MTAP: variants seen among roughly 807,000 people sequenced by gnomAD.
MTAP encodes the protein S-methyl-5'-thioadenosine phosphorylase.
Under a neutral mutation model 33.6 loss-of-function variants are expected in MTAP, and 33 were observed. The observed-to-expected ratio is 0.98, with a 90% confidence interval of 0.74 to 1.31. The LOEUF (loss-of-function observed/expected upper bound fraction) is 1.31. Among genes scored for constraint, MTAP ranks in the 40% most tolerant of loss-of-function variants. The pLI is 0.00. For synonymous variants in MTAP, 148 were observed against 125.7 expected (o/e 1.18, Z -1.19); for missense variants, 367 against 360.0 (o/e 1.02, Z -0.16).
At chr9:21,806,306 G>C (rs555121987) in intron 1 of MTAP, among the ~76,000 whole-genome samples, 2 of 152,166 alleles carry the variant, frequency 1.3e-5, no homozygotes, top group East Asian at 3.9e-4. Context: ...TAAGATGTGG[G>C]GAGTGCAGGA....
At chr9:21,938,277 A>C (rs529058052), downstream of MTAP, among the ~76,000 whole-genome samples, 24 of 151,648 alleles carry the variant, frequency 1.6e-4, no homozygotes, top group Middle Eastern at 3.4e-3. Flanking sequence ...CCTTCTCAAA[A>C]AAAAAAAAAA....
Position 21,865,472 on chromosome 9 carries a change from C to T in MTAP, c.*3458C>T, listed in dbSNP as rs1259590355. 1 of 985,484 alleles carries T rather than the reference C, an allele frequency of 1.0e-6. No individual in the cohort carries two copies. The highest frequency in any genetic ancestry group is 1.1e-4 in the East Asian group (1 of 8,818). The allele number at this position is 985,484 out of a possible 1,614,324, so 61.0% of individuals were successfully genotyped here. Reference sequence around the variant, plus strand: ...TCAAATGTTTTGAAGATTGTTGCACCTTGGAACTACCAGTGTGCACACAAT... The same window carrying T: ...TCAAATGTTTTGAAGATTGTTGCACTTTGGAACTACCAGTGTGCACACAAT... On this transcript the variant is annotated 3_prime_UTR_variant, in exon 8 of 8. Transcript: ENST00000644715.
chr9:21,851,258 A>G (rs1825504072), intron 5 of MTAP, among the ~76,000 whole-genome samples: 1 of 152,216 alleles, frequency 6.6e-6, no homozygotes, highest in Non-Finnish European at 1.5e-5. Context: ...GTAGTAGAAG[A>G]AGGTAGTCAT....
At chr9:21,846,433 C>A (rs563999748) in intron 5 of MTAP, among the ~76,000 whole-genome samples, 28 of 151,234 alleles carry the variant, frequency 1.9e-4, no homozygotes, top group East Asian at 7.7e-4. Context: ...AAAAAAAGGT[C>A]GCTAAGTACA....
intron 4 of MTAP, among the ~76,000 whole-genome samples, chr9:21,824,947 G>C (rs1208735990): frequency 6.6e-6 from 1 of 152,134 alleles, no homozygotes; most frequent in Non-Finnish European, 1.5e-5. Flanking sequence ...AAGACAGTTG[G>C]AAAAGCACAG....
chr9:21,870,941 T>G (rs2118642710), downstream of MTAP, among the ~76,000 whole-genome samples: 1 of 152,070 alleles, frequency 6.6e-6, no homozygotes, highest in East Asian at 1.9e-4. Flanking sequence ...CAGCTAATTT[T>G]TATATTTTCA....
intron 5 of MTAP, among the ~76,000 whole-genome samples, chr9:21,853,611 T>C (rs1412193714): frequency 6.6e-6 from 1 of 152,210 alleles, no homozygotes; most frequent in Admixed American, 6.5e-5. Context: ...CCACTTTATT[T>C]ATATAGTATC....
chr9:21,927,309 G>A (rs1298900028), intron 1 of MTAP, among the ~76,000 whole-genome samples: 1 of 152,144 alleles, frequency 6.6e-6, no homozygotes, highest in Non-Finnish European at 1.5e-5. Context: ...TTTTACCCAA[G>A]GAGGCCCTCA....
At chr9:21,886,049 C>T (rs201109434) in intron 1 of MTAP, among the ~76,000 whole-genome samples, 3 of 151,698 alleles carry the variant, frequency 2.0e-5, no homozygotes, top group Non-Finnish European at 2.9e-5. Context: ...CTGTTTTCCA[C>T]AGTGGTTGTA....
intron 1 of MTAP, among the ~76,000 whole-genome samples, chr9:21,890,543 T>C (rs942252450): frequency 2.6e-5 from 4 of 152,164 alleles, no homozygotes; most frequent in African/African-American, 9.6e-5. Flanking sequence ...CTTTCCGAAT[T>C]CCACTGGCAG....
intron 1 of MTAP, among the ~76,000 whole-genome samples, chr9:21,925,000 C>T (rs1271331069): frequency 6.6e-6 from 1 of 152,232 alleles, no homozygotes; most frequent in South Asian, 2.1e-4. Context: ...TATGGAGGCA[C>T]CCCAAAAATT....
chr9:21,816,429 C>A (rs1407487271), intron 2 of MTAP, among the ~76,000 whole-genome samples: 1 of 152,154 alleles, frequency 6.6e-6, no homozygotes, highest in Non-Finnish European at 1.5e-5. Context: ...CTAAATTTGA[C>A]CAGTCTACCA....
In MTAP at chr9:21,865,681, G is replaced by A. The variant is rs1008377800; in HGVS notation, c.*3667G>A. The A allele has an allele frequency of 2.0e-6, 2 of 1,016,120 alleles. No homozygotes were observed. The highest frequency in any genetic ancestry group is 4.1e-5 in the South Asian group (1 of 24,240). The allele number at this position is 1,016,120 out of a possible 1,614,324, so 62.9% of individuals were successfully genotyped here. A position where few individuals can be genotyped will look rare whatever the true frequency, so the allele number is the denominator to read the frequency against. On this transcript the variant is annotated 3_prime_UTR_variant, in exon 8 of 8. Coordinates refer to ENST00000644715, the MANE Select transcript of MTAP (RefSeq NM_002451.4). ...GAGGAAATCTACCAAGACTAGTAGG[G>A]TAGTCCAGAAGAAGCTGTTTCAGGG...
chr9:21,929,826 C>T lies in MTAP; in HGVS notation c.148-1182C>T, dbSNP rs1300247454. 1.3e-5 allele frequency: 3 copies of T among 236,278 alleles called. No individual in the cohort carries two copies. The Admixed American group carries it at 1.4e-4, about 11-fold the overall frequency. 14.6% of individuals were successfully genotyped at this position (236,278 alleles called of 1,614,324 possible). ...AATATCACTTTAATGGGAATAACCT[C>T]TATTTGTCTTATGGCCAAAAGAAAA... is the stretch of plus-strand genomic sequence containing the variant. On this transcript the variant is annotated intron_variant, in intron 1 of 1. Coordinates refer to the MTAP transcript ENST00000577563.
At chr9:21,875,780 G>C (rs1188796501) in intron 1 of MTAP, among the ~76,000 whole-genome samples, 2 of 151,924 alleles carry the variant, frequency 1.3e-5, no homozygotes, top group Non-Finnish European at 2.9e-5. Flanking sequence ...CATTTTCTTT[G>C]TCCAGTCTGT....
chr9:21,879,613 A>C (rs761000083), intron 1 of MTAP, among the ~76,000 whole-genome samples: 1 of 152,152 alleles, frequency 6.6e-6, no homozygotes, highest in East Asian at 1.9e-4. Context: ...ACTGGTTACT[A>C]TGCTGGCTTG....
At chr9:21,928,242 G>C (rs978430058) in intron 1 of MTAP, among the ~76,000 whole-genome samples, 1 of 152,208 alleles carries the variant, frequency 6.6e-6, no homozygotes, top group African/African-American at 2.4e-5. Flanking sequence ...ACCTTGAAAA[G>C]GACAGTCTAG....
rs181250470 is a variant in MTAP at position 21,879,975 on chromosome 9, T to G, written c.147+25105T>G. Reference sequence around the variant, plus strand: ...CTGGCTTCCTTTAACATTCTTTCTTTTATTTCAGTCATGGAAAATCTAAGG... The same window carrying G: ...CTGGCTTCCTTTAACATTCTTTCTTGTATTTCAGTCATGGAAAATCTAAGG... On this transcript the variant is annotated intron_variant, in intron 1 of 1. Coordinates refer to the MTAP transcript ENST00000577563. Among the ~76,000 whole-genome samples the G allele has an allele frequency of 5.5e-3, 839 of 152,256 alleles. 2 individuals carry two copies. Among genetic ancestry groups the G allele is most frequent in the Non-Finnish European group, 8.8e-3 (600 of 68,006 alleles).
intron 1 of MTAP, among the ~76,000 whole-genome samples, chr9:21,811,309 TAGAC>T (rs1197655615): frequency 2.6e-5 from 4 of 152,210 alleles, no homozygotes; most frequent in East Asian, 1.9e-4. Flanking sequence ...CTAGAAGAAA[TAGAC>T]AGAGTAGGGG....
Sources: allele counts gnomAD v4.1 joint callset (sites outside exome capture counted in the v4.1 genomes callset), GRCh38; gene constraint gnomAD v4.1.1; transcripts MANE v1.5; gene names NCBI Gene and HGNC (gene_info 2026-07-23, HGNC 2026-07-21).